LRRC49: variants seen among roughly 807,000 people sequenced by gnomAD.
LRRC49 encodes the protein leucine-rich repeat-containing protein 49.
In LRRC49, 50 loss-of-function variants were observed where a neutral mutation model predicts 83.3. The observed-to-expected ratio is 0.60, with a 90% confidence interval of 0.48 to 0.76. LRRC49 has a LOEUF of 0.76. Ranked by LOEUF, LRRC49 falls within the 30% of genes least tolerant of loss-of-function variation. LRRC49 has a pLI of 0.00. For missense variants in LRRC49, 704 were observed against 809.1 expected (o/e 0.87, Z 1.58); for synonymous variants, 286 against 283.3 (o/e 1.01, Z -0.10).
At chr15:70,996,045 T>C (rs920827068) in intron 11 of LRRC49, among the ~76,000 whole-genome samples, 20 of 152,146 alleles carry the variant, frequency 1.3e-4, no homozygotes, top group Admixed American at 1.3e-3. Flanking sequence ...AGATTTACTT[T>C]CTACAAATGT....
chr15:70,905,342 G>A (rs2034260627), intron 5 of LRRC49, among the ~76,000 whole-genome samples: 1 of 152,010 alleles, frequency 6.6e-6, no homozygotes. Flanking sequence ...TACAAAGAAG[G>A]GCTTTATAGT....
chr15:70,897,434 G>A (rs1595992719), intron 3 of LRRC49, among the ~76,000 whole-genome samples: 2 of 152,254 alleles, frequency 1.3e-5, no homozygotes, highest in South Asian at 4.1e-4. Flanking sequence ...TGTCTTAAAT[G>A]TGTACCTGGT....
intron 2 of LRRC49, among the ~76,000 whole-genome samples, chr15:70,877,408 T>C (rs1160201970): frequency 6.6e-6 from 1 of 152,196 alleles, no homozygotes; most frequent in Non-Finnish European, 1.5e-5. Context: ...TCACTATAGA[T>C]TTTTTTCTTT....
chr15:70,969,559 A>C (rs1372556174), intron 9 of LRRC49, among the ~76,000 whole-genome samples: 3 of 152,162 alleles, frequency 2.0e-5, no homozygotes, highest in Non-Finnish European at 2.9e-5. Flanking sequence ...TAAATATATA[A>C]ATTACTTTGG....
At chr15:70,915,520 T>C (rs111329700) in intron 6 of LRRC49, among the ~76,000 whole-genome samples, 1,904 of 152,312 alleles carry the variant, frequency 0.013, 41 homozygotes, top group African/African-American at 0.043. Flanking sequence ...ATGTTTGTTA[T>C]ATCTGTATTG....
intron 1 of LRRC49, chr15:70,859,708 G>A (rs1042861683): frequency 1.6e-5 from 11 of 682,320 alleles, no homozygotes; most frequent in Non-Finnish European, 2.5e-5. Flanking sequence ...CTTCCCTGGA[G>A]GCCACCATCG....
At position 70,967,814 on chromosome 15, in the gene LRRC49, C is replaced by T. The variant is rs75107413; in HGVS notation, c.921+3882C>T. Among the ~76,000 whole-genome samples, 550 of 152,160 alleles carry T rather than the reference C, an allele frequency of 3.6e-3. 3 individuals are homozygous for T. Among genetic ancestry groups the T allele is most frequent in the African/African-American group, 0.012 (505 of 41,534 alleles). ...TCCAGGAGAATGTTATTTAGAAAAA[C>T]AGGTGGCTGACTTTGGCCTGTGGCC... On this transcript the variant is annotated intron_variant, in intron 9 of 15. Transcript: ENST00000260382.
rs1270894519 is a variant in LRRC49, at chr15:71,051,479, G to C, written c.*1867G>C. On this transcript the variant is annotated 3_prime_UTR_variant, in exon 16 of 16. Coordinates refer to ENST00000260382, the MANE Select transcript of LRRC49 (RefSeq NM_017691.5). ...CTCTCCTGGGCTTATATCTTGTTTG[G>C]TATAGAAATGAGATCCCAGCTTGAA... 1 of 152,164 alleles carries C rather than the reference G, an allele frequency of 6.6e-6. No homozygotes were observed. The highest frequency in any genetic ancestry group is 1.9e-4 in the East Asian group (1 of 5,188). 9.4% of individuals were successfully genotyped at this position (152,164 alleles called of 1,614,324 possible).
intron 11 of LRRC49, among the ~76,000 whole-genome samples, chr15:70,988,582 CTT>C (rs1450300133): frequency 6.6e-6 from 1 of 151,764 alleles, no homozygotes; most frequent in Non-Finnish European, 1.5e-5. Context: ...GGTCTTGACT[CTT>C]TATCCAGTTT....
chr15:70,925,388 C>T (rs2035158253), intron 7 of LRRC49, among the ~76,000 whole-genome samples: 1 of 152,096 alleles, frequency 6.6e-6, no homozygotes, highest in Non-Finnish European at 1.5e-5. Flanking sequence ...ATTCTACCTT[C>T]TCTTGCTAAT....
At chr15:71,047,413 T>C (rs561355883) in intron 15 of LRRC49, among the ~76,000 whole-genome samples, 1 of 152,340 alleles carries the variant, frequency 6.6e-6, no homozygotes, top group African/African-American at 2.4e-5. Flanking sequence ...TTCTTAGCTG[T>C]ATTCCTACGT....
At chr15:70,876,402 G>T (rs1002216922) in intron 2 of LRRC49, among the ~76,000 whole-genome samples, 1 of 152,188 alleles carries the variant, frequency 6.6e-6, no homozygotes, top group Non-Finnish European at 1.5e-5. Flanking sequence ...AGAGTCTAGT[G>T]GGGGAGATTA....
intron 3 of LRRC49, among the ~76,000 whole-genome samples, chr15:70,899,293 C>A (rs2033969310): frequency 6.6e-6 from 1 of 152,092 alleles, no homozygotes; most frequent in Admixed American, 6.5e-5. Flanking sequence ...TTGTCTGCTG[C>A]TTGGAGTTTT....
At chr15:70,952,589 G>C (rs1312772543) in intron 8 of LRRC49, among the ~76,000 whole-genome samples, 2 of 152,134 alleles carry the variant, frequency 1.3e-5, no homozygotes, top group African/African-American at 2.4e-5. Flanking sequence ...GTGCAGATGA[G>C]AAGAATGTAT....
intron 9 of LRRC49, among the ~76,000 whole-genome samples, chr15:70,973,955 C>T (rs917227734): frequency 6.6e-6 from 1 of 151,820 alleles, no homozygotes. Context: ...GGTGAAACCC[C>T]ATCTGTACTA....
In LRRC49 at chr15:71,050,041, AG is replaced by A. The variant is rs2039972684; in HGVS notation, c.*430del. ...AAGCCAAAAATATGTTCTTTTTATG[AG>A]TGAAGAATAAACTTACTAACAAATT... On this transcript the variant is annotated 3_prime_UTR_variant, in exon 16 of 16. Coordinates refer to ENST00000260382, the MANE Select transcript of LRRC49 (RefSeq NM_017691.5). 1 of 156,178 alleles carries A rather than the reference AG, an allele frequency of 6.4e-6. No homozygotes were observed. Among genetic ancestry groups the A allele is most frequent in the Non-Finnish European group, 1.4e-5 (1 of 70,836 alleles). 9.7% of individuals were successfully genotyped at this position (156,178 alleles called of 1,614,324 possible). A position where few individuals can be genotyped will look rare whatever the true frequency, so the allele number is the denominator to read the frequency against.
rs780439464 is a variant in LRRC49 at position 70,919,092 on chromosome 15, G to C, written c.610G>C (p.Val204Leu). The change falls in exon 7 of 16, where the codon GTT (valine) becomes CTT (leucine). Residue 204 changes from valine (V) to leucine (L), a missense_variant. Physicochemically the swap from Val to Leu is conservative, Grantham distance 32. This residue lies in a region of LRRC49 where 261 missense variants were observed against 330.5 expected (regional missense o/e 0.79). Transcript: ENST00000260382. ...ENINHLCELR[V>L]LNLARNFLSH... ...TATTAATCATTTGTGTGAGTTGAGA[G>C]TTTTAAATCTTGCCAGGAACTTTTT... The C allele has an allele frequency of 6.2e-7, 1 of 1,612,020 alleles. No homozygotes were observed. The highest frequency in any genetic ancestry group is 1.1e-5 in the South Asian group (1 of 90,902).
At chr15:70,986,961 A>G (rs937696310) in intron 11 of LRRC49, among the ~76,000 whole-genome samples, 1 of 152,220 alleles carries the variant, frequency 6.6e-6, no homozygotes, top group African/African-American at 2.4e-5. Flanking sequence ...ATATTGAGCC[A>G]TCCTTGCATC....
At chr15:71,044,734 G>A (rs746654450) in intron 15 of LRRC49, among the ~76,000 whole-genome samples, 39 of 151,812 alleles carry the variant, frequency 2.6e-4, no homozygotes, top group African/African-American at 9.0e-4. Context: ...TGCAGTGAGC[G>A]GAGATCATGC....
Sources: allele counts gnomAD v4.1 joint callset (sites outside exome capture counted in the v4.1 genomes callset), GRCh38; gene constraint gnomAD v4.1.1; regional missense constraint gnomAD v4.1.1; transcripts MANE v1.5; gene names NCBI Gene and HGNC (gene_info 2026-07-23, HGNC 2026-07-21).